ROBO2: variants seen among roughly 807,000 people sequenced by gnomAD.
The protein encoded by ROBO2 is roundabout homolog 2.
Under a neutral mutation model 160.8 loss-of-function variants are expected in ROBO2, and 53 were observed. The observed-to-expected ratio is 0.33, with a 90% confidence interval of 0.26 to 0.41. The LOEUF is 0.41. Among genes scored for constraint, ROBO2 ranks in the 10% least tolerant of loss-of-function variants. The pLI is 1.00. For synonymous variants in ROBO2, 664 were observed against 611.7 expected (o/e 1.09, Z -1.26); for missense variants, 1,577 against 1,722.4 (o/e 0.92, Z 1.49).
intron 2 of ROBO2, among the ~76,000 whole-genome samples, chr3:77,374,121 G>A (rs1473786785): frequency 2.4e-5 from 3 of 125,232 alleles, no homozygotes; most frequent in Admixed American, 1.0e-4. Context: ...AGTGAGCTGA[G>A]ATCGCACCAC....
At chr3:76,528,445 G>A (rs986755736) in intron 2 of ROBO2, among the ~76,000 whole-genome samples, 3 of 152,020 alleles carry the variant, frequency 2.0e-5, no homozygotes, top group Non-Finnish European at 2.9e-5. Context: ...CCCTCCTGAC[G>A]ATTAAATGTG....
intron 2 of ROBO2, among the ~76,000 whole-genome samples, chr3:77,423,983 G>GA (rs2077947747): frequency 6.6e-6 from 1 of 152,036 alleles, no homozygotes; most frequent in African/African-American, 2.4e-5. Flanking sequence ...TTTGAACTGG[G>GA]AAAAATCTTG....
At chr3:77,053,536 A>C (rs2065424971) in intron 1 of ROBO2, among the ~76,000 whole-genome samples, 1 of 152,120 alleles carries the variant, frequency 6.6e-6, no homozygotes, top group African/African-American at 2.4e-5. Flanking sequence ...ATCAGAGATA[A>C]AAATGTAACG....
intron 2 of ROBO2, among the ~76,000 whole-genome samples, chr3:76,286,520 T>C (rs1414423722): frequency 6.6e-6 from 1 of 152,168 alleles, no homozygotes; most frequent in African/African-American, 2.4e-5. Flanking sequence ...ATCACTTTGT[T>C]GTCAGGGTGA....
At chr3:76,549,674 G>A (rs908735266) in intron 2 of ROBO2, among the ~76,000 whole-genome samples, 16 of 152,094 alleles carry the variant, frequency 1.1e-4, no homozygotes, top group African/African-American at 3.4e-4. Context: ...ACGTAGTGAC[G>A]CATCTTAGGG....
Position 76,737,253 on chromosome 3 carries a change from C to G in ROBO2, c.110-360761C>G, listed in dbSNP as rs189084909. On this transcript the variant is annotated intron_variant, in intron 2 of 26. Transcript: ENST00000487694. ...GCATTATTTTATAGTAAGAAAGAGA[C>G]TTCTGTTATTTTTATCATCTAGAAT... Among the ~76,000 whole-genome samples the G allele has an allele frequency of 6.2e-3, 938 of 151,322 alleles. 4 individuals are homozygous for G. The highest frequency in any genetic ancestry group is 9.4e-3 in the Non-Finnish European group (639 of 67,880).
intron 2 of ROBO2, among the ~76,000 whole-genome samples, chr3:76,300,351 C>CT (rs558248349): frequency 4.0e-5 from 6 of 151,742 alleles, no homozygotes; most frequent in South Asian, 2.1e-4. Flanking sequence ...AAATTACATT[C>CT]TTTTTTTTAT....
chr3:77,170,331 C>T (rs2079517014), intron 2 of ROBO2, among the ~76,000 whole-genome samples: 1 of 152,016 alleles, frequency 6.6e-6, no homozygotes, highest in Non-Finnish European at 1.5e-5. Context: ...TTTAAAAGAA[C>T]ATACATATGT....
At chr3:76,339,037 G>A (rs550026586) in intron 2 of ROBO2, among the ~76,000 whole-genome samples, 91 of 152,128 alleles carry the variant, frequency 6.0e-4, no homozygotes, top group Middle Eastern at 3.4e-3. Context: ...ATTTCAATGT[G>A]TTATTACTAC....
Position 75,973,400 on chromosome 3 carries a change from T to C in ROBO2, c.109+35798T>C, listed in dbSNP as rs2065048304. On this transcript the variant is annotated intron_variant, in intron 2 of 26. Coordinates refer to the ROBO2 transcript ENST00000487694. ...TCAAGAATTTAAAAAATATGGCCAC[T>C]GACACAATAATATGGTTAAACAATC... is the stretch of plus-strand genomic sequence containing the variant. 3.3e-5 allele frequency among the ~76,000 whole-genome samples: 5 copies of C among 151,530 alleles called. No homozygotes were observed. In the Admixed American group the frequency reaches 3.3e-4, roughly 10 times the overall value.
At chr3:77,073,361 T>C (rs2067612809) in intron 1 of ROBO2, among the ~76,000 whole-genome samples, 1 of 152,176 alleles carries the variant, frequency 6.6e-6, no homozygotes, top group African/African-American at 2.4e-5. Flanking sequence ...TATTGTTTCT[T>C]AAGTCACCTG....
chr3:76,655,712 G>A (rs1026190225), intron 2 of ROBO2, among the ~76,000 whole-genome samples: 1 of 148,626 alleles, frequency 6.7e-6, no homozygotes, highest in Non-Finnish European at 1.5e-5. Context: ...AAGCAGGAAA[G>A]GGAGGAAGGG....
At chr3:76,715,056 A>G (rs535432622) in intron 2 of ROBO2, among the ~76,000 whole-genome samples, 2 of 152,234 alleles carry the variant, frequency 1.3e-5, no homozygotes, top group Admixed American at 1.3e-4. Context: ...ATGGGATGCA[A>G]TGCCACTTTG....
intron 2 of ROBO2, among the ~76,000 whole-genome samples, chr3:76,655,666 AAAG>A (rs1167974844): frequency 4.0e-5 from 6 of 148,882 alleles, no homozygotes; most frequent in Non-Finnish European, 5.9e-5. Context: ...AGAAGAAAAA[AAAG>A]AAAGAAAGAG....
upstream of ROBO2, among the ~76,000 whole-genome samples, chr3:77,038,681 C>A (rs972136443): frequency 1.3e-5 from 2 of 152,154 alleles, no homozygotes; most frequent in African/African-American, 4.8e-5. Context: ...CGGCTACCAG[C>A]GAGCCTGTGA....
intron 2 of ROBO2, among the ~76,000 whole-genome samples, chr3:75,943,504 G>T (rs1948144804): frequency 6.6e-6 from 1 of 152,072 alleles, no homozygotes; most frequent in Non-Finnish European, 1.5e-5. Context: ...GGTTGTATTT[G>T]AAATCTGTTG....
At chr3:77,590,841 AAT>A (rs1471253691) in intron 17 of ROBO2, among the ~76,000 whole-genome samples, 5 of 152,204 alleles carry the variant, frequency 3.3e-5, no homozygotes, top group Admixed American at 6.6e-5. Flanking sequence ...TTAAATTGAA[AAT>A]ATATGTTGAT....
Position 77,638,710 on chromosome 3 carries a change from C to A in ROBO2, c.3934+3667C>A, listed in dbSNP as rs568272152. Among the ~76,000 whole-genome samples, 32 of 152,008 alleles carry A rather than the reference C, an allele frequency of 2.1e-4. No individual in the cohort carries two copies. The South Asian group carries it at 6.0e-3, about 29-fold the overall frequency. On this transcript the variant is annotated intron_variant, in intron 24 of 25. Coordinates refer to ENST00000461745, the Ensembl canonical transcript of ROBO2. ...CATTTGTCTTATAAATCAAAGAATACCCTTGGAAGCCAATATATTAACCAA... is the reference window on the plus strand; with the variant it reads ...CATTTGTCTTATAAATCAAAGAATAACCTTGGAAGCCAATATATTAACCAA...
Position 77,196,682 on chromosome 3 carries a change from A to G in ROBO2, c.388+98342A>G, listed in dbSNP as rs1384927950. Among the ~76,000 whole-genome samples the G allele has an allele frequency of 2.0e-5, 3 of 152,208 alleles. No homozygotes were observed. In the East Asian group the frequency reaches 5.8e-4, roughly 29 times the overall value. On this transcript the variant is annotated intron_variant, in intron 2 of 25. Transcript: ENST00000461745. The stretch of plus-strand genomic sequence containing the variant: ...TAATTCATGCATATATATTCATTTT[A>G]GATAAATCTTTATTATTTTAATTTG...
Sources: allele counts gnomAD v4.1 joint callset (sites outside exome capture counted in the v4.1 genomes callset), GRCh38; gene constraint gnomAD v4.1.1; transcripts MANE v1.5; gene names NCBI Gene and HGNC (gene_info 2026-07-23, HGNC 2026-07-21).